CTNNA2: variants seen among roughly 807,000 people sequenced by gnomAD.
CTNNA2 encodes catenin alpha 2, also known as catenin alpha-2.
A neutral mutation model predicts 101.0 loss-of-function variants in CTNNA2; 42 were observed. That is an observed-to-expected ratio of 0.42 (90% CI 0.32 to 0.54). The LOEUF (loss-of-function observed/expected upper bound fraction) is 0.54, where lower values mean the gene tolerates loss of function less well. CTNNA2 is among the 20% of genes least tolerant of loss of function. The pLI is 0.14. For synonymous variants in CTNNA2, 450 were observed against 456.4 expected (o/e 0.99, Z 0.18); for missense variants, 871 against 1,223.1 (o/e 0.71, Z 4.29).
chr2:79,267,691 G>C (rs917211250), intron 2 of CTNNA2, among the ~76,000 whole-genome samples: 17 of 152,254 alleles, frequency 1.1e-4, no homozygotes, highest in African/African-American at 4.1e-4. Flanking sequence ...GGGACCTCGA[G>C]AAAATAGCTG....
At chr2:79,556,767 C>G (rs567061913) in intron 1 of CTNNA2, among the ~76,000 whole-genome samples, 2 of 152,094 alleles carry the variant, frequency 1.3e-5, no homozygotes, top group Admixed American at 6.6e-5. Flanking sequence ...TATGTAACCT[C>G]TTCGAGTCTC....
chr2:79,259,675 A>G (rs1674894775), intron 2 of CTNNA2, among the ~76,000 whole-genome samples: 1 of 152,134 alleles, frequency 6.6e-6, no homozygotes, highest in African/African-American at 2.4e-5. Context: ...AGGCTGTGAG[A>G]AGGCTGTGCA....
chr2:80,602,401 C>T (rs956944946), intron 15 of CTNNA2, among the ~76,000 whole-genome samples: 1 of 152,030 alleles, frequency 6.6e-6, no homozygotes, highest in South Asian at 2.1e-4. Flanking sequence ...CATGAGGAAG[C>T]ATTTTCCAAG....
At chr2:79,555,191 C>T (rs1415280461) in intron 1 of CTNNA2, among the ~76,000 whole-genome samples, 1 of 152,154 alleles carries the variant, frequency 6.6e-6, no homozygotes, top group African/African-American at 2.4e-5. Flanking sequence ...AAAAACTGTT[C>T]TATCACTTTT....
intron 7 of CTNNA2, among the ~76,000 whole-genome samples, chr2:79,946,552 T>A (rs1246398164): frequency 2.0e-5 from 3 of 152,280 alleles, no homozygotes; most frequent in African/African-American, 7.2e-5. Context: ...AGTCCAATAT[T>A]AAACACAGCA....
chr2:79,631,039 C>G (rs747642565), intron 1 of CTNNA2, among the ~76,000 whole-genome samples: 13 of 152,138 alleles, frequency 8.5e-5, no homozygotes, highest in Non-Finnish European at 1.5e-4. Flanking sequence ...ATCACAGGAT[C>G]CTGTTTTATG....
intron 7 of CTNNA2, among the ~76,000 whole-genome samples, chr2:79,956,843 G>GTTTTTTGTTT (rs1553413397): frequency 2.0e-5 from 2 of 98,932 alleles, no homozygotes; most frequent in African/African-American, 9.4e-5. Context: ...ATACGTGTGG[G>GTTTTTTGTTT]TTTTTTTTTT....
At chr2:79,955,591 C>T (rs913337945) in intron 7 of CTNNA2, among the ~76,000 whole-genome samples, 1 of 152,334 alleles carries the variant, frequency 6.6e-6, no homozygotes, top group African/African-American at 2.4e-5. Context: ...CTCGCTCTGT[C>T]ACTCAGGCTG....
chr2:79,412,584 A>G (rs1678427802), intron 4 of CTNNA2, among the ~76,000 whole-genome samples: 1 of 152,056 alleles, frequency 6.6e-6, no homozygotes, highest in Non-Finnish European at 1.5e-5. Context: ...ACTCAGGATT[A>G]AGAAACTCAC....
Position 79,471,654 on chromosome 2 carries a change from C to T in CTNNA2, c.-134-33400C>T, listed in dbSNP as rs559491496. On this transcript the variant is annotated intron_variant, in intron 4 of 21. Coordinates refer to the CTNNA2 transcript ENST00000466387. ...GAGATCGAGACCATCCTGGCTAACA[C>T]GGTGAAACCCTGTCTCTACTAAAAA... Among the ~76,000 whole-genome samples, 17 of 152,012 alleles carry T rather than the reference C, an allele frequency of 1.1e-4. No individual in the cohort carries two copies. The South Asian group carries it at 1.9e-3, about 17-fold the overall frequency.
intron 3 of CTNNA2, among the ~76,000 whole-genome samples, chr2:79,805,114 GA>G (rs1462627554): frequency 4.6e-5 from 7 of 152,244 alleles, no homozygotes; most frequent in African/African-American, 1.7e-4. Flanking sequence ...TTGTAGCTAG[GA>G]AAAGGCCTGT....
At chr2:80,176,569 T>C (rs556931619) in intron 7 of CTNNA2, among the ~76,000 whole-genome samples, 2 of 152,344 alleles carry the variant, frequency 1.3e-5, no homozygotes, top group South Asian at 4.1e-4. Context: ...TTTTACCTGG[T>C]GGAGTGACAC....
intron 8 of CTNNA2, among the ~76,000 whole-genome samples, chr2:80,400,952 G>C (rs1048339025): frequency 6.6e-6 from 1 of 152,114 alleles, no homozygotes; most frequent in Non-Finnish European, 1.5e-5. Flanking sequence ...TTGCACTTGT[G>C]TTGCTTCTGC....
chr2:80,443,195 G>A (rs1682746077), intron 9 of CTNNA2, among the ~76,000 whole-genome samples: 1 of 152,204 alleles, frequency 6.6e-6, no homozygotes, highest in Admixed American at 6.5e-5. Context: ...GGGAAGCATC[G>A]CTTGCTTTTA....
chr2:80,636,979 A>G (rs533287281), intron 18 of CTNNA2, among the ~76,000 whole-genome samples: 8 of 152,222 alleles, frequency 5.3e-5, no homozygotes, highest in Non-Finnish European at 1.0e-4. Flanking sequence ...CCCCTCATGA[A>G]CTTCTCCATT....
intron 12 of CTNNA2, among the ~76,000 whole-genome samples, chr2:80,564,511 T>G (rs1174007811): frequency 8.4e-5 from 3 of 35,610 alleles, no homozygotes; most frequent in African/African-American, 6.0e-4. Flanking sequence ...TTTAGAGAGT[T>G]TTTTTTTTTT....
chr2:79,977,519 C>G (rs975503346), intron 7 of CTNNA2, among the ~76,000 whole-genome samples: 1 of 152,062 alleles, frequency 6.6e-6, no homozygotes, highest in African/African-American at 2.4e-5. Flanking sequence ...ATATTACCAC[C>G]TTTACTGGAA....
chr2:79,860,656 G>C (rs771725008), intron 4 of CTNNA2, among the ~76,000 whole-genome samples: 7 of 143,260 alleles, frequency 4.9e-5, no homozygotes, highest in African/African-American at 1.8e-4. Flanking sequence ...AATGATTGTA[G>C]ACTAAATAAC....
At chr2:80,013,380 A>G (rs1193019009) in intron 7 of CTNNA2, among the ~76,000 whole-genome samples, 2 of 152,194 alleles carry the variant, frequency 1.3e-5, no homozygotes, top group African/African-American at 4.8e-5. Context: ...GGGAGGAGAA[A>G]AGAGGAGTTA....
Sources: gnomAD v4.1 joint callset for allele counts (sites outside exome capture counted in the v4.1 genomes callset) on GRCh38, gnomAD v4.1.1 for gene constraint, MANE v1.5 for transcripts, NCBI Gene and HGNC (gene_info 2026-07-23, HGNC 2026-07-21) for gene names.